LAMA2: variants seen among roughly 807,000 people sequenced by gnomAD.
LAMA2 encodes laminin subunit alpha 2, also known as laminin subunit alpha-2.
Under a neutral mutation model 364.8 loss-of-function variants are expected in LAMA2, and 269 were observed. That is an observed-to-expected ratio of 0.74 (90% CI 0.67 to 0.82). LAMA2 has a LOEUF of 0.82. Ranked by LOEUF, LAMA2 falls within the 40% of genes least tolerant of loss-of-function variation. The probability of loss-of-function intolerance (pLI) is 0.00; values close to 1 mark genes in which losing one functional copy is unlikely to be tolerated. For synonymous variants in LAMA2, 1,379 were observed against 1,370.6 expected (o/e 1.01, Z -0.14); for missense variants, 3,807 against 3,873.2 (o/e 0.98, Z 0.45).
At chr6:129,230,781 G>A (rs182801550) in intron 12 of LAMA2, among the ~76,000 whole-genome samples, 82 of 152,134 alleles carry the variant, frequency 5.4e-4, no homozygotes, top group African/African-American at 1.9e-3. Flanking sequence ...TTTAACTGAC[G>A]TTGTGGTTAA....
At chr6:129,022,373 C>T (rs1003214621) in intron 1 of LAMA2, among the ~76,000 whole-genome samples, 1 of 152,046 alleles carries the variant, frequency 6.6e-6, no homozygotes, top group Non-Finnish European at 1.5e-5. Flanking sequence ...TCATGAAACT[C>T]GGGAGAAATT....
chr6:129,053,130 G>A (rs1459847954), intron 2 of LAMA2, among the ~76,000 whole-genome samples: 1 of 152,156 alleles, frequency 6.6e-6, no homozygotes, highest in African/African-American at 2.4e-5. Flanking sequence ...CCAGGCTGGA[G>A]TGCAATGGCA....
intron 62 of LAMA2, among the ~76,000 whole-genome samples, chr6:129,511,396 G>A (rs1786562336): frequency 1.3e-5 from 2 of 151,018 alleles, no homozygotes; most frequent in Middle Eastern, 3.4e-3. Flanking sequence ...TTATTTTTTC[G>A]TTTATTTCCA....
At chr6:129,096,085 T>TGTGCA (rs1775169444) in intron 3 of LAMA2, among the ~76,000 whole-genome samples, 1 of 152,258 alleles carries the variant, frequency 6.6e-6, no homozygotes, top group Non-Finnish European at 1.5e-5. Flanking sequence ...CAACTCTATC[T>TGTGCA]GTGCATTTTA....
chr6:129,328,247 T>A (rs1775419446), intron 28 of LAMA2, 31 bp from the exon 29 acceptor site: 1 of 1,593,860 alleles, frequency 6.3e-7, no homozygotes, highest in Non-Finnish European at 8.6e-7. Flanking sequence ...TTTCTAACTT[T>A]GCTGTCCTAA....
intron 32 of LAMA2, among the ~76,000 whole-genome samples, chr6:129,364,370 T>C (rs1777641536): frequency 6.6e-6 from 1 of 152,184 alleles, no homozygotes; most frequent in Admixed American, 6.5e-5. Flanking sequence ...CAATTCTCGG[T>C]ATTTTCCATG....
At chr6:129,448,227 G>A (rs1197398358) in intron 45 of LAMA2, among the ~76,000 whole-genome samples, 1 of 151,948 alleles carries the variant, frequency 6.6e-6, no homozygotes, top group Non-Finnish European at 1.5e-5. Context: ...AGGCTGCAGT[G>A]AGCCATGTTT....
intron 3 of LAMA2, among the ~76,000 whole-genome samples, chr6:129,095,646 C>T (rs953410414): frequency 2.6e-5 from 4 of 151,102 alleles, no homozygotes; most frequent in East Asian, 1.9e-4. Context: ...CACGGTGGCT[C>T]ATGCCTGTAA....
intron 3 of LAMA2, among the ~76,000 whole-genome samples, chr6:129,067,315 T>C (rs1324407601): frequency 6.6e-6 from 1 of 152,248 alleles, no homozygotes; most frequent in African/African-American, 2.4e-5. Context: ...TGTATATAGA[T>C]TTTTAAGATC....
intron 21 of LAMA2, among the ~76,000 whole-genome samples, chr6:129,299,049 T>C (rs1208034896): frequency 6.6e-6 from 1 of 151,972 alleles, no homozygotes; most frequent in Non-Finnish European, 1.5e-5. Flanking sequence ...TAACAAATTA[T>C]AAATGAGACC....
chr6:129,302,263 G>A (rs1395406478), intron 22 of LAMA2, among the ~76,000 whole-genome samples: 2 of 151,938 alleles, frequency 1.3e-5, no homozygotes, highest in East Asian at 3.9e-4. Context: ...TTTATTTAAT[G>A]CCCAGTAATG....
At chr6:129,305,537 C>T (rs1177100192) in intron 22 of LAMA2, among the ~76,000 whole-genome samples, 2 of 152,026 alleles carry the variant, frequency 1.3e-5, no homozygotes, top group Non-Finnish European at 1.5e-5. Flanking sequence ...ATTGCCCATG[C>T]TTGTCTCAAA....
chr6:129,506,737 CAA>C (rs1380763633), intron 61 of LAMA2, among the ~76,000 whole-genome samples: 3 of 151,962 alleles, frequency 2.0e-5, no homozygotes, highest in African/African-American at 7.3e-5. Flanking sequence ...GTTCATTCAT[CAA>C]AGACAATCAC....
chr6:129,112,911 A>T (rs1334641675), intron 4 of LAMA2, among the ~76,000 whole-genome samples: 1 of 152,028 alleles, frequency 6.6e-6, no homozygotes, highest in African/African-American at 2.4e-5. Flanking sequence ...AAACTGTAAA[A>T]CAGTTTCAGG....
intron 3 of LAMA2, among the ~76,000 whole-genome samples, chr6:129,094,025 T>C (rs1775017340): frequency 6.6e-6 from 1 of 152,218 alleles, no homozygotes; most frequent in Non-Finnish European, 1.5e-5. Flanking sequence ...TTGAAGAGTC[T>C]TTATAATGAA....
At chr6:129,337,115 G>T (rs932224300) in intron 29 of LAMA2, among the ~76,000 whole-genome samples, 1 of 152,142 alleles carries the variant, frequency 6.6e-6, no homozygotes, top group African/African-American at 2.4e-5. Context: ...AGACTGCATG[G>T]GTCTTGCCCT....
chr6:129,400,416 C>T (rs1314715868), intron 37 of LAMA2, among the ~76,000 whole-genome samples: 1 of 152,052 alleles, frequency 6.6e-6, no homozygotes, highest in Admixed American at 6.5e-5. Context: ...AACTGTCTGG[C>T]ACATATTGAG....
intron 18 of LAMA2, among the ~76,000 whole-genome samples, chr6:129,285,334 C>T (rs934272490): frequency 1.3e-5 from 2 of 152,022 alleles, no homozygotes; most frequent in African/African-American, 4.8e-5. Context: ...AATTTTCTAT[C>T]ACGTATATTC....
intron 1 of LAMA2, among the ~76,000 whole-genome samples, chr6:128,976,861 A>G (rs143014505): frequency 5.0e-4 from 76 of 152,332 alleles, no homozygotes; most frequent in African/African-American, 1.7e-3. Context: ...TGATTTATAC[A>G]GTAGTCTTAT....
Sources: allele counts gnomAD v4.1 joint callset (sites outside exome capture counted in the v4.1 genomes callset), GRCh38; gene constraint gnomAD v4.1.1; transcripts MANE v1.5; gene names NCBI Gene and HGNC (gene_info 2026-07-23, HGNC 2026-07-21).